MAPK10: variants seen among roughly 807,000 people sequenced by gnomAD.
The protein encoded by MAPK10 is JNK3 alpha protein kinase.
In MAPK10, 25 loss-of-function variants were observed where a neutral mutation model predicts 59.3. That is an observed-to-expected ratio of 0.42 (90% CI 0.31 to 0.59). The LOEUF (loss-of-function observed/expected upper bound fraction) is 0.59, where lower values mean the gene tolerates loss of function less well. Ranked by LOEUF, MAPK10 falls within the 20% of genes least tolerant of loss-of-function variation. The probability of loss-of-function intolerance (pLI) is 0.15; values close to 1 mark genes in which losing one functional copy is unlikely to be tolerated. For missense variants in MAPK10, 351 were observed against 568.9 expected, an observed-to-expected ratio of 0.62 and a Z score of 3.90; for synonymous variants, 190 against 200.5, an observed-to-expected ratio of 0.95 and a Z score of 0.44.
chr4:86,188,304 T>C (rs1193295532), intron 3 of MAPK10, among the ~76,000 whole-genome samples: 1 of 152,184 alleles, frequency 6.6e-6, no homozygotes, highest in Non-Finnish European at 1.5e-5. Context: ...TGGTTCTAGA[T>C]CCTTGAGGAA....
intron 2 of MAPK10, among the ~76,000 whole-genome samples, chr4:86,214,511 TAAAA>T (rs70948783): frequency 1.3e-5 from 1 of 75,974 alleles, no homozygotes; most frequent in Non-Finnish European, 2.6e-5. Flanking sequence ...TAAGATTCCT[TAAAA>T]AAAAAAAAAA....
chr4:86,380,651 T>C (rs1290404992), intron 1 of MAPK10, among the ~76,000 whole-genome samples: 1 of 152,158 alleles, frequency 6.6e-6, no homozygotes, highest in Non-Finnish European at 1.5e-5. Flanking sequence ...GAGTCCAGTG[T>C]ATAAAATCTG....
At chr4:86,557,987 A>G (rs1239125792) in intron 1 of MAPK10, among the ~76,000 whole-genome samples, 1 of 152,134 alleles carries the variant, frequency 6.6e-6, no homozygotes, top group Non-Finnish European at 1.5e-5. Flanking sequence ...GCAAGAAATT[A>G]AATGGTTTAT....
intron 2 of MAPK10, among the ~76,000 whole-genome samples, chr4:86,260,194 T>A (rs2093930942): frequency 6.6e-6 from 1 of 152,114 alleles, no homozygotes; most frequent in Non-Finnish European, 1.5e-5. Flanking sequence ...TCAGTCTCAT[T>A]TTGGACCCAG....
At chr4:86,166,344 TAA>T (rs1228751689) in intron 3 of MAPK10, among the ~76,000 whole-genome samples, 1 of 152,198 alleles carries the variant, frequency 6.6e-6, no homozygotes, top group Non-Finnish European at 1.5e-5. Flanking sequence ...ATGAGGGCAA[TAA>T]TCTACTTTTT....
At chr4:86,080,195 G>A (rs1227266505) in intron 9 of MAPK10, 1 of 151,694 alleles carries the variant, frequency 6.6e-6, no homozygotes, top group Non-Finnish European at 1.5e-5. Flanking sequence ...CGACAGCTGA[G>A]AAATTCCAGT....
chr4:86,119,670 G>A (rs915131759), intron 4 of MAPK10: 7 of 150,952 alleles, frequency 4.6e-5, no homozygotes, highest in Non-Finnish European at 5.9e-5. Context: ...GATGCAAGAA[G>A]ATTCCCTGTC....
chr4:86,297,852 G>A (rs375720482), intron 2 of MAPK10, among the ~76,000 whole-genome samples: 1 of 152,100 alleles, frequency 6.6e-6, no homozygotes, highest in African/African-American at 2.4e-5. Flanking sequence ...CTCCTTCTTT[G>A]TGTCTAGATA....
At chr4:86,311,422 T>C (rs1469764764) in intron 2 of MAPK10, among the ~76,000 whole-genome samples, 9 of 152,268 alleles carry the variant, frequency 5.9e-5, no homozygotes, top group African/African-American at 2.2e-4. Context: ...ATAGTTCTTG[T>C]TTGGAATTTG....
chr4:86,480,334 C>G (rs1251190480), intron 1 of MAPK10, among the ~76,000 whole-genome samples: 1 of 152,014 alleles, frequency 6.6e-6, no homozygotes, highest in Non-Finnish European at 1.5e-5. Flanking sequence ...CCACTCCTGC[C>G]CGCCAGAGAA....
At chr4:86,428,324 T>G (rs1042478296) in intron 1 of MAPK10, among the ~76,000 whole-genome samples, 2 of 152,020 alleles carry the variant, frequency 1.3e-5, no homozygotes. Flanking sequence ...TTGTATTTTT[T>G]GTTTTTGTAT....
intron 1 of MAPK10, among the ~76,000 whole-genome samples, chr4:86,468,356 C>T (rs909016521): frequency 1.3e-5 from 2 of 152,266 alleles, no homozygotes; most frequent in East Asian, 1.9e-4. Flanking sequence ...TTGACCACTT[C>T]GCAATAATCC....
chr4:86,494,239 G>A (rs1402884679), intron 1 of MAPK10, among the ~76,000 whole-genome samples: 1 of 152,184 alleles, frequency 6.6e-6, no homozygotes, highest in Non-Finnish European at 1.5e-5. Flanking sequence ...TGTGAGTAGG[G>A]AGAAGGAGTA....
intron 2 of MAPK10, among the ~76,000 whole-genome samples, chr4:86,245,063 C>T (rs1583424204): frequency 2.0e-5 from 3 of 152,282 alleles, no homozygotes; most frequent in Admixed American, 2.0e-4. Context: ...GCTCAACATT[C>T]TATTTCATTT....
At chr4:86,589,038 A>C (rs1228045851) in intron 1 of MAPK10, among the ~76,000 whole-genome samples, 1 of 152,212 alleles carries the variant, frequency 6.6e-6, no homozygotes, top group Non-Finnish European at 1.5e-5. Context: ...ATGTGGGGAC[A>C]AAGGGGTCGC....
chr4:86,541,465 G>A (rs924068386), intron 1 of MAPK10, among the ~76,000 whole-genome samples: 8 of 152,124 alleles, frequency 5.3e-5, no homozygotes, highest in African/African-American at 1.7e-4. Context: ...CCCAAAGACC[G>A]CCACCAGGAA....
intron 4 of MAPK10, among the ~76,000 whole-genome samples, chr4:86,139,255 A>G (rs905187174): frequency 4.6e-4 from 68 of 149,054 alleles, no homozygotes; most frequent in Non-Finnish European, 6.6e-4. Context: ...ACAAAGCTGG[A>G]GGCATCACAC....
intron 2 of MAPK10, among the ~76,000 whole-genome samples, chr4:86,346,089 T>C (rs1389035167): frequency 6.6e-6 from 1 of 152,194 alleles, no homozygotes; most frequent in Non-Finnish European, 1.5e-5. Context: ...CAGACATCTA[T>C]ACAAAGGACC....
At chr4:86,109,543 T>C (rs552110479) in intron 4 of MAPK10, among the ~76,000 whole-genome samples, 124 of 152,344 alleles carry the variant, frequency 8.1e-4, no homozygotes, top group Non-Finnish European at 1.2e-4. Flanking sequence ...GTTCCATCCA[T>C]GTCCCTGCAA....
Sources: gnomAD v4.1 joint callset for allele counts (sites outside exome capture counted in the v4.1 genomes callset) on GRCh38, gnomAD v4.1.1 for gene constraint, MANE v1.5 for transcripts, NCBI Gene and HGNC (gene_info 2026-07-23, HGNC 2026-07-21) for gene names.